Variants in UNC5D observed in about 807,000 individuals in gnomAD.
The protein encoded by UNC5D is netrin receptor UNC5D.
A neutral mutation model predicts 105.4 loss-of-function variants in UNC5D; 39 were observed. That is an observed-to-expected ratio of 0.37 (90% confidence interval 0.29 to 0.48). The LOEUF is 0.48. Among genes scored for constraint, UNC5D ranks in the 20% least tolerant of loss-of-function variants. The pLI is 0.98. For missense variants in UNC5D, 991 were observed against 1,202.4 expected (o/e 0.82, Z 2.60); for synonymous variants, 452 against 450.4 (o/e 1.00, Z -0.04).
intron 11 of UNC5D, among the ~76,000 whole-genome samples, chr8:35,743,589 TAA>T (rs112685629): frequency 1.4e-5 from 2 of 146,162 alleles, no homozygotes; most frequent in African/African-American, 5.1e-5. Context: ...GCACTCACTT[TAA>T]AAAAAAAAAA....
chr8:35,755,823 G>A (rs909151925), intron 13 of UNC5D, among the ~76,000 whole-genome samples: 1 of 152,170 alleles, frequency 6.6e-6, no homozygotes, highest in African/African-American at 2.4e-5. Flanking sequence ...TTAACAGGAG[G>A]TCCTTGTCAC....
chr8:35,308,116 A>ATG (rs34132311), intron 1 of UNC5D, among the ~76,000 whole-genome samples: 1,075 of 105,708 alleles, frequency 0.01, 9 homozygotes, highest in African/African-American at 0.051. Context: ...GTCACAATGT[A>ATG]TGTGTGTGTG....
At chr8:35,391,413 T>G (rs1803763389) in intron 1 of UNC5D, among the ~76,000 whole-genome samples, 1 of 152,122 alleles carries the variant, frequency 6.6e-6, no homozygotes, top group Non-Finnish European at 1.5e-5. Flanking sequence ...TTAAGAAAAA[T>G]GGGAAACAAA....
At chr8:35,299,476 T>G (rs1191156034) in intron 1 of UNC5D, among the ~76,000 whole-genome samples, 3 of 152,218 alleles carry the variant, frequency 2.0e-5, no homozygotes, top group Non-Finnish European at 4.4e-5. Flanking sequence ...GTTCTTTCCT[T>G]CCTTTCTTCC....
intron 1 of UNC5D, among the ~76,000 whole-genome samples, chr8:35,533,332 G>T (rs1051736970): frequency 6.6e-6 from 1 of 150,476 alleles, no homozygotes; most frequent in African/African-American, 2.5e-5. Flanking sequence ...TGCCCCTGCT[G>T]GGGGGTGCCT....
At chr8:35,782,964 A>G (rs1275269364) in intron 16 of UNC5D, among the ~76,000 whole-genome samples, 1 of 151,978 alleles carries the variant, frequency 6.6e-6, no homozygotes, top group Non-Finnish European at 1.5e-5. Flanking sequence ...GTGAGACCCC[A>G]TATCTACCAA....
chr8:35,243,856 G>A (rs189312062), intron 1 of UNC5D, among the ~76,000 whole-genome samples: 35 of 152,160 alleles, frequency 2.3e-4, no homozygotes, highest in African/African-American at 8.0e-4. Context: ...TGTGTTACTC[G>A]AACTTTATTA....
At chr8:35,551,824 A>C (rs1816167049) in intron 2 of UNC5D, among the ~76,000 whole-genome samples, 1 of 152,132 alleles carries the variant, frequency 6.6e-6, no homozygotes, top group Admixed American at 6.5e-5. Context: ...CTAAAAAAAA[A>C]AAGAAAAAAA....
intron 1 of UNC5D, chr8:35,525,488 C>A: frequency 6.2e-7 from 1 of 1,612,284 alleles, no homozygotes; most frequent in South Asian, 1.1e-5. Flanking sequence ...CCTTCTCTGT[C>A]CGTGCTTTGC....
At chr8:35,443,868 A>G (rs1310366888) in intron 1 of UNC5D, among the ~76,000 whole-genome samples, 1 of 151,972 alleles carries the variant, frequency 6.6e-6, no homozygotes, top group Non-Finnish European at 1.5e-5. Context: ...TAATGAGAAC[A>G]GAATCAGAAA....
At chr8:35,579,461 T>C (rs564589909) in intron 3 of UNC5D, among the ~76,000 whole-genome samples, 34 of 152,254 alleles carry the variant, frequency 2.2e-4, no homozygotes, top group Non-Finnish European at 2.9e-5. Context: ...GTAGGCACAA[T>C]ATATTTTAGG....
At chr8:35,495,144 G>A (rs977478595) in intron 1 of UNC5D, among the ~76,000 whole-genome samples, 9 of 152,182 alleles carry the variant, frequency 5.9e-5, no homozygotes, top group African/African-American at 1.9e-4. Flanking sequence ...ATGGTTGGAA[G>A]TGTATTTTTA....
chr8:35,393,902 G>T (rs1473072243), intron 1 of UNC5D, among the ~76,000 whole-genome samples: 3 of 152,134 alleles, frequency 2.0e-5, no homozygotes, highest in African/African-American at 7.2e-5. Context: ...AAAGAAAAAA[G>T]AAATAATTAT....
intron 8 of UNC5D, among the ~76,000 whole-genome samples, chr8:35,721,120 C>A (rs1828559100): frequency 6.6e-6 from 1 of 152,050 alleles, no homozygotes; most frequent in Non-Finnish European, 1.5e-5. Flanking sequence ...CCTCTAAGCC[C>A]AACACAGGGG....
intron 11 of UNC5D, among the ~76,000 whole-genome samples, chr8:35,747,692 G>A (rs753299114): frequency 1.3e-5 from 2 of 152,100 alleles, no homozygotes; most frequent in East Asian, 1.9e-4. Flanking sequence ...CCTCCTTACC[G>A]TTTGGGGGCA....
At chr8:35,453,407 G>T (rs1277422355) in intron 1 of UNC5D, among the ~76,000 whole-genome samples, 1 of 152,170 alleles carries the variant, frequency 6.6e-6, no homozygotes, top group East Asian at 1.9e-4. Context: ...TAACTTGGAA[G>T]TCTGTAGCAT....
intron 16 of UNC5D, among the ~76,000 whole-genome samples, chr8:35,789,038 T>C (rs1174056857): frequency 1.3e-5 from 2 of 150,236 alleles, no homozygotes; most frequent in Admixed American, 1.3e-4. Flanking sequence ...TGGACCTTTC[T>C]AGTGAACTGA....
At chr8:35,571,717 C>T (rs193156353) in intron 3 of UNC5D, among the ~76,000 whole-genome samples, 1 of 152,282 alleles carries the variant, frequency 6.6e-6, no homozygotes, top group East Asian at 1.9e-4. Context: ...GTGTGAGGAT[C>T]GTCTTTATTC....
At chr8:35,400,866 G>A (rs1804413394) in intron 1 of UNC5D, among the ~76,000 whole-genome samples, 1 of 152,040 alleles carries the variant, frequency 6.6e-6, no homozygotes, top group Non-Finnish European at 1.5e-5. Context: ...ACTTGTTTTT[G>A]CATCTTATTG....
Sources: gnomAD v4.1 joint callset for allele counts (sites outside exome capture counted in the v4.1 genomes callset) on GRCh38, gnomAD v4.1.1 for gene constraint, MANE v1.5 for transcripts, NCBI Gene and HGNC (gene_info 2026-07-23, HGNC 2026-07-21) for gene names.